Variants in ZNHIT3 observed in about 807,000 individuals in gnomAD.
ZNHIT3 encodes zinc finger HIT-type containing 3.
A neutral mutation model predicts 19.9 loss-of-function variants in ZNHIT3; 27 were observed. The observed-to-expected ratio is 1.36, with a 90% CI of 1.00 to 1.87. ZNHIT3 has a LOEUF of 1.87. Ranked by LOEUF, ZNHIT3 falls within the 40% of genes most tolerant of loss-of-function variation. The probability of loss-of-function intolerance (pLI) is 0.00; values close to 1 mark genes in which losing one functional copy is unlikely to be tolerated. For synonymous variants in ZNHIT3, 81 were observed against 65.7 expected (o/e 1.23, Z -1.13); for missense variants, 215 against 185.6 (o/e 1.16, Z -0.92).
chr17:36,498,441 A>C, downstream of ZNHIT3: 1 of 1,613,988 alleles, frequency 6.2e-7, no homozygotes, highest in South Asian at 1.1e-5. Flanking sequence ...CCAGAGGCGG[A>C]TTATTGCCTC....
chr17:36,498,377 C>T, downstream of ZNHIT3: 1 of 1,614,032 alleles, frequency 6.2e-7, no homozygotes, highest in South Asian at 1.1e-5. Flanking sequence ...CCACTAATTT[C>T]CTCTGAAAGC....
chr17:36,494,152 G>T (rs2070807269), intron 4 of ZNHIT3, 146 bp downstream of exon 4: 7 of 622,762 alleles, frequency 1.1e-5, no homozygotes, highest in South Asian at 6.1e-5. Context: ...AACATACAGG[G>T]TTTCACACCT....
chr17:36,495,084 C>G, intron 4 of ZNHIT3, 139 bp from the exon 5 acceptor site: 1 of 1,038,322 alleles, frequency 9.6e-7, no homozygotes, highest in Non-Finnish European at 1.3e-6. Flanking sequence ...CTTGACCTCC[C>G]CAGTTGCTGG....
downstream of ZNHIT3, chr17:36,498,959 A>G (rs1460268233): frequency 1.3e-6 from 1 of 790,396 alleles, no homozygotes; most frequent in Non-Finnish European, 2.1e-6. Context: ...CAGAGAGGCT[A>G]AACAACCTGC....
chr17:36,491,672 ATC>A (rs948358874), intron 2 of ZNHIT3: 2 of 151,642 alleles, frequency 1.3e-5, no homozygotes, highest in African/African-American at 4.9e-5. Flanking sequence ...TAGGTAGGTG[ATC>A]TCTCTTTCAC....
chr17:36,494,203 T>C (rs773136896), intron 4 of ZNHIT3, among the ~76,000 whole-genome samples, 197 bp downstream of exon 4: 1 of 152,238 alleles, frequency 6.6e-6, no homozygotes, highest in Non-Finnish European at 1.5e-5. Flanking sequence ...GGAATCCTGC[T>C]GGTCTTGTGG....
intron 2 of ZNHIT3, among the ~76,000 whole-genome samples, chr17:36,488,722 A>G (rs953202553): frequency 1.3e-5 from 2 of 152,202 alleles, no homozygotes; most frequent in Non-Finnish European, 2.9e-5. Context: ...ATTGCATACA[A>G]TTTGAGTTAC....
chr17:36,496,510 G>GT, downstream of ZNHIT3: 1 of 1,068,938 alleles, frequency 9.4e-7, no homozygotes, highest in South Asian at 1.5e-5. Context: ...GTATGGACAA[G>GT]TACTAGTATT....
At chr17:36,497,436 G>A (rs1176306134), downstream of ZNHIT3, among the ~76,000 whole-genome samples, 5 of 152,026 alleles carry the variant, frequency 3.3e-5, no homozygotes, top group East Asian at 9.6e-4. Context: ...GCCAAATCCA[G>A]TGCCATTTGA....
At position 36,495,811 on chromosome 17, in the gene ZNHIT3, TTAAA is replaced by T. The variant is rs2070919374; in HGVS notation, c.*410_*413del. ...AAATTACATTAAATAAATCAACTAA[TTAAA>T]TACTAAAGTTTTGTTCCTTTTTAAA... On this transcript the variant is annotated 3_prime_UTR_variant, in exon 5 of 5. Coordinates refer to ENST00000617429, the MANE Select transcript of ZNHIT3 (RefSeq NM_004773.4). 6.4e-6 allele frequency: 8 copies of T among 1,241,634 alleles called. No homozygotes were observed. The highest frequency in any genetic ancestry group is 7.0e-6 in the Non-Finnish European group (7 of 993,528). 76.9% of individuals were successfully genotyped at this position (1,241,634 alleles called of 1,614,324 possible). A position where few individuals can be genotyped will look rare whatever the true frequency, so the allele number is the denominator to read the frequency against.
At chr17:36,486,848 G>A in intron 1 of ZNHIT3, 63 bp downstream of exon 1, 1 of 1,592,570 alleles carries the variant, frequency 6.3e-7, no homozygotes, top group Non-Finnish European at 8.5e-7. Context: ...AGGGCGGGAG[G>A]CCGGGAGGCC....
At chr17:36,494,604 A>G (rs2070831692) in intron 4 of ZNHIT3, among the ~76,000 whole-genome samples, 1 of 152,224 alleles carries the variant, frequency 6.6e-6, no homozygotes, top group African/African-American at 2.4e-5. Context: ...TCATGTTAAA[A>G]GGTTATGTTT....
rs754249160 is a variant in ZNHIT3, at chr17:36,495,330, C to T, written c.394C>T (p.Gln132Ter). ...DKAKLMRAYM[Q>*]EPLFVEFADC... ...AGCAAAGCTCATGAGAGCTTACATG[C>T]AAGAGCCTTTGTTTGTGGAGTTTGC... The change falls in exon 5 of 5, where the codon CAA (glutamine) becomes TAA (stop). Residue 132 changes from glutamine to a stop codon, truncating the protein, a stop_gained. Transcript: ENST00000617429. LOFTEE classifies it high-confidence loss of function. 7 of 1,613,518 alleles carry T rather than the reference C, an allele frequency of 4.3e-6. No homozygotes were observed. The highest frequency in any genetic ancestry group is 8.5e-7 in the Non-Finnish European group (1 of 1,179,898).
chr17:36,488,153 C>G (rs2070628606), intron 2 of ZNHIT3, among the ~76,000 whole-genome samples: 1 of 150,358 alleles, frequency 6.7e-6, no homozygotes, highest in South Asian at 2.1e-4. Context: ...ACTCTTGTAC[C>G]AATATATAGA....
chr17:36,499,154 C>T (rs1250490733), downstream of ZNHIT3: 7 of 1,603,934 alleles, frequency 4.4e-6, no homozygotes, highest in Middle Eastern at 1.7e-4. Flanking sequence ...TAACCAGGAA[C>T]GAATGGCTAA....
chr17:36,495,212 T>G lies in ZNHIT3; in HGVS notation c.287-11T>G, dbSNP rs1478935067. 1 of 1,553,690 alleles carries G rather than the reference T, an allele frequency of 6.4e-7. No individual in the cohort carries two copies. The highest frequency in any genetic ancestry group is 8.7e-7 in the Non-Finnish European group (1 of 1,153,806). On this transcript the variant is annotated splice_polypyrimidine_tract_variant and intron_variant, in intron 4 of 4. Transcript: ENST00000617429. ...GAACTCAGACTGGCTTTTTTTCTTG[T>G]TAATTTTTAGGGGAATCTGCAACAT...
At chr17:36,488,359 A>G (rs1294785233) in intron 2 of ZNHIT3, among the ~76,000 whole-genome samples, 1 of 152,072 alleles carries the variant, frequency 6.6e-6, no homozygotes, top group Non-Finnish European at 1.5e-5. Context: ...AGCCTGGCCA[A>G]CATTATGAAA....
At position 36,495,282 on chromosome 17, in the gene ZNHIT3, A is replaced by C. The variant is rs765308605; in HGVS notation, c.346A>C (p.Asn116His). ...LNPHLRQLMV[N>H]LDQGEDKAKL... ...TCCACACCTCAGGCAGTTGATGGTC[A>C]ACCTCGATCAGGGAGAAGACAAAGC... Residue 116 changes from asparagine (N) to histidine (H), a missense_variant, in exon 5 of 5, where the codon AAC becomes CAC. Transcript: ENST00000617429. 6 of 1,613,510 alleles carry C rather than the reference A, an allele frequency of 3.7e-6. No individual in the cohort carries two copies. Among genetic ancestry groups the C allele is most frequent in the Admixed American group, 1.7e-5 (1 of 59,726 alleles).
chr17:36,493,885 C>G, intron 3 of ZNHIT3, 41 bp from the exon 4 acceptor site: 2 of 1,462,454 alleles, frequency 1.4e-6, no homozygotes, highest in African/African-American at 2.8e-5. Context: ...GCCCAGGCCT[C>G]CTTTTTAGCC....
Sources: allele counts gnomAD v4.1 joint callset (sites outside exome capture counted in the v4.1 genomes callset), GRCh38; gene constraint gnomAD v4.1.1; transcripts MANE v1.5; gene names NCBI Gene and HGNC (gene_info 2026-07-23, HGNC 2026-07-21).